The following TNS3 variants were observed in gnomAD, a reference collection of about 807,000 sequenced individuals.
The protein encoded by TNS3 is tensin-3.
TNS3 carries 45 observed loss-of-function variants against 140.9 expected under a neutral mutation model. The observed-to-expected ratio is 0.32, with a 90% CI of 0.25 to 0.41. TNS3 has a LOEUF of 0.41. Among genes scored for constraint, TNS3 ranks in the 10% least tolerant of loss-of-function variants. The pLI, the probability that TNS3 is intolerant of heterozygous loss-of-function variation, is 1.00. For missense variants in TNS3, 1,716 were observed against 1,906.7 expected (o/e 0.90, Z 1.86); for synonymous variants, 815 against 788.4 (o/e 1.03, Z -0.56).
intron 20 of TNS3, among the ~76,000 whole-genome samples, 192 bp from the exon 21 acceptor site, chr7:47,305,195 T>G (rs1786675713): frequency 6.6e-6 from 1 of 152,230 alleles, no homozygotes; most frequent in Non-Finnish European, 1.5e-5. Flanking sequence ...CCCACAAGCA[T>G]GGGTTTATTC....
At chr7:47,423,952 T>A (rs543112708) in intron 10 of TNS3, 149 bp downstream of exon 10, 1 of 765,842 alleles carries the variant, frequency 1.3e-6, no homozygotes, top group African/African-American at 1.7e-5. Context: ...GAGGGACAAG[T>A]CTCCCCACCA....
At chr7:47,427,168 G>T (rs1279515470) in intron 9 of TNS3, among the ~76,000 whole-genome samples, 1 of 148,010 alleles carries the variant, frequency 6.8e-6, no homozygotes, top group African/African-American at 2.5e-5. Flanking sequence ...GGTGGTCTCT[G>T]TCCAGAACCA....
Position 47,303,043 on chromosome 7 carries a change from A to G in TNS3, c.3364T>C (p.Ser1122Pro). The change falls in exon 22 of 31, where the codon TCC (serine) becomes CCC (proline). Residue 1122 changes from serine (S) to proline (P), a missense_variant. Ser to Pro is a moderately conservative substitution (Grantham distance 74, BLOSUM62 -1). Coordinates refer to ENST00000311160, the MANE Select transcript of TNS3 (RefSeq NM_022748.12). ...ATGGTGCTCCCGCTGTGCGGGCTGG[A>G]GAAGCCACTGGAGGAGGGAGAGACT... is the stretch of plus-strand genomic sequence containing the variant. The part of the protein sequence containing the change: ...GSVSPSSSGF[S>P]SPHSGSTISI... 1.2e-6 allele frequency: 2 copies of G among 1,614,154 alleles called. No homozygotes were observed. Among genetic ancestry groups the G allele is most frequent in the Non-Finnish European group, 1.7e-6 (2 of 1,180,028 alleles).
chr7:47,479,336 C>T (rs564731245), intron 4 of TNS3, among the ~76,000 whole-genome samples: 9 of 152,336 alleles, frequency 5.9e-5, no homozygotes, highest in South Asian at 2.1e-4. Flanking sequence ...GCCAGGGCCT[C>T]GGGACAGGCA....
intron 15 of TNS3, among the ~76,000 whole-genome samples, chr7:47,399,516 AC>A (rs1480803971): frequency 6.6e-6 from 1 of 152,242 alleles, no homozygotes; most frequent in South Asian, 2.1e-4. Context: ...ATCCAGAAAT[AC>A]AACTGACTAC....
intron 2 of TNS3, among the ~76,000 whole-genome samples, chr7:47,507,425 G>A (rs755645286): frequency 9.2e-5 from 14 of 152,190 alleles, no homozygotes; most frequent in African/African-American, 1.9e-4. Flanking sequence ...ATGAAAGACC[G>A]GATGGGAGCC....
intron 3 of TNS3, chr7:47,481,854 C>A (rs1797431721): frequency 5.3e-6 from 1 of 186,996 alleles, no homozygotes; most frequent in Middle Eastern, 2.5e-3. Context: ...GCAGGATCTC[C>A]ACCACTTACT....
chr7:47,328,148 C>A (rs1031507837), intron 20 of TNS3, among the ~76,000 whole-genome samples: 4 of 152,026 alleles, frequency 2.6e-5, no homozygotes, highest in African/African-American at 9.7e-5. Flanking sequence ...CTCTGTGTTC[C>A]GGCCTGTCCC....
Position 47,477,822 on chromosome 7 carries a change from C to T in TNS3, c.-76+3281G>A, listed in dbSNP as rs759432392. ...GTGCTTTCTGCCCTGAGAAGCCACA[C>T]GGTGCAGGCGGAAACCCTCCTGCCC... On this transcript the variant is annotated intron_variant, in intron 4 of 30. Coordinates refer to ENST00000311160, the MANE Select transcript of TNS3 (RefSeq NM_022748.12). Among the ~76,000 whole-genome samples, 6 of 152,312 alleles carry T rather than the reference C, an allele frequency of 3.9e-5. No homozygotes were observed. In the South Asian group the frequency reaches 1.0e-3, roughly 26 times the overall value.
At chr7:47,328,067 C>A (rs1380443168) in intron 20 of TNS3, among the ~76,000 whole-genome samples, 1 of 152,194 alleles carries the variant, frequency 6.6e-6, no homozygotes, top group Non-Finnish European at 1.5e-5. Flanking sequence ...GTGTCCCCAG[C>A]AGCCCTACGT....
chr7:47,468,378 T>C (rs1796810832), intron 4 of TNS3, among the ~76,000 whole-genome samples: 1 of 152,036 alleles, frequency 6.6e-6, no homozygotes, highest in Non-Finnish European at 1.5e-5. Flanking sequence ...GAGGCAGAGG[T>C]TGCAGTGAAC....
At chr7:47,390,432 C>T (rs1792445246) in intron 16 of TNS3, among the ~76,000 whole-genome samples, 2 of 152,176 alleles carry the variant, frequency 1.3e-5, no homozygotes, top group African/African-American at 2.4e-5. Flanking sequence ...ACTCTGAGAA[C>T]GCGGTATGGC....
At chr7:47,294,223 A>G (rs1362034422) in intron 24 of TNS3, among the ~76,000 whole-genome samples, 2 of 152,192 alleles carry the variant, frequency 1.3e-5, no homozygotes, top group South Asian at 2.1e-4. Flanking sequence ...CAGACACAAA[A>G]TGATACCTAT....
chr7:47,580,014 A>AG (rs1784490259), intron 1 of TNS3: 1 of 173,162 alleles, frequency 5.8e-6, no homozygotes, highest in Non-Finnish European at 1.1e-5. Flanking sequence ...TTAAAAAAAA[A>AG]AAAATCAATT....
chr7:47,301,409 C>T (rs1431565696), intron 23 of TNS3, among the ~76,000 whole-genome samples: 2 of 152,024 alleles, frequency 1.3e-5, no homozygotes, highest in Non-Finnish European at 2.9e-5. Flanking sequence ...GGAAGGTACG[C>T]TCAGCTGAGA....
intron 23 of TNS3, among the ~76,000 whole-genome samples, chr7:47,300,561 A>G (rs1786338763): frequency 6.6e-6 from 1 of 152,244 alleles, no homozygotes; most frequent in Non-Finnish European, 1.5e-5. Flanking sequence ...GGAAGCCAGC[A>G]GTGCACTCCA....
At chr7:47,428,906 G>A (rs1381865985) in intron 8 of TNS3, among the ~76,000 whole-genome samples, 2 of 152,158 alleles carry the variant, frequency 1.3e-5, no homozygotes, top group African/African-American at 2.4e-5. Context: ...CCAGGCAGAA[G>A]TTCTGGAAAA....
chr7:47,357,979 C>A (rs949411732), intron 17 of TNS3, among the ~76,000 whole-genome samples: 4 of 152,166 alleles, frequency 2.6e-5, no homozygotes, highest in Admixed American at 1.3e-4. Flanking sequence ...AAGCTGCAAA[C>A]CACAGAAGGG....
intron 1 of TNS3, among the ~76,000 whole-genome samples, chr7:47,537,810 C>T (rs1170041950): frequency 1.3e-5 from 2 of 152,068 alleles, no homozygotes; most frequent in African/African-American, 2.4e-5. Flanking sequence ...TTTGCTTCTT[C>T]TACTAAAAAA....
Sources: allele counts gnomAD v4.1 joint callset (sites outside exome capture counted in the v4.1 genomes callset), GRCh38; gene constraint gnomAD v4.1.1; transcripts MANE v1.5; gene names NCBI Gene and HGNC (gene_info 2026-07-23, HGNC 2026-07-21).